SLC20A2: variants seen among roughly 807,000 people sequenced by gnomAD.
SLC20A2 encodes solute carrier family 20 member 2.
In SLC20A2, 30 loss-of-function variants were observed where a neutral mutation model predicts 61.0. The ratio of observed to expected loss-of-function variants is 0.49; its 90% confidence interval spans 0.37 to 0.67. SLC20A2 has a LOEUF of 0.67. Ranked by LOEUF, SLC20A2 falls within the 30% of genes least tolerant of loss-of-function variation. The pLI, the probability that SLC20A2 is intolerant of heterozygous loss-of-function variation, is 0.00. For missense variants in SLC20A2, 626 were observed against 866.4 expected (o/e 0.72, Z 3.48); for synonymous variants, 351 against 353.3 (o/e 0.99, Z 0.07).
chr8:42,454,587 C>T (rs192595940), intron 5 of SLC20A2, among the ~76,000 whole-genome samples: 121 of 150,898 alleles, frequency 8.0e-4, no homozygotes, highest in African/African-American at 2.8e-3. Context: ...GGTTGTGCTT[C>T]GAGGGAATAA....
chr8:42,532,922 A>G (rs1812431663), intron 1 of SLC20A2, among the ~76,000 whole-genome samples: 1 of 152,158 alleles, frequency 6.6e-6, no homozygotes, highest in African/African-American at 2.4e-5. Context: ...CAGAGGACGG[A>G]AAGACTAGGC....
intron 5 of SLC20A2, among the ~76,000 whole-genome samples, chr8:42,455,253 TATATAGAGAGAGAG>T (rs1382035444): frequency 9.2e-4 from 86 of 93,642 alleles, no homozygotes; most frequent in Non-Finnish European, 1.5e-3. Flanking sequence ...TATATATATA[TATATAGAGAGAGAG>T]AGAGAGAGAG....
chr8:42,472,640 C>T lies in SLC20A2; in HGVS notation c.-250G>A. ...TATTTTTCCTCCCGATCTGGGAAAG[C>T]TGTGATGTCTCCTCCTGTAGCAGAA... is the stretch of plus-strand genomic sequence containing the variant. On this transcript the variant is annotated 5_prime_UTR_variant, in exon 2 of 11. Transcript: ENST00000520262. This position sits in a 1 kb window ranked among gnomAD's most constrained non-coding sequence, Gnocchi z 4.1. 2.2e-6 allele frequency: 1 copy of T among 450,738 alleles called. No homozygotes were observed. Among genetic ancestry groups the T allele is most frequent in the South Asian group, 2.8e-5 (1 of 35,878 alleles). 27.9% of individuals were successfully genotyped at this position (450,738 alleles called of 1,614,324 possible). A position where few individuals can be genotyped will look rare whatever the true frequency, so the allele number is the denominator to read the frequency against.
chr8:42,491,123 G>A (rs1277841206), intron 1 of SLC20A2, among the ~76,000 whole-genome samples: 5 of 152,188 alleles, frequency 3.3e-5, no homozygotes, highest in South Asian at 2.1e-4. Flanking sequence ...CTTTCAGGCC[G>A]GTGTGGTGGC....
chr8:42,524,958 A>C (rs1410856801), intron 1 of SLC20A2, among the ~76,000 whole-genome samples: 1 of 152,208 alleles, frequency 6.6e-6, no homozygotes, highest in East Asian at 1.9e-4. Context: ...CCACTGCTAA[A>C]GCATGATGAT....
intron 8 of SLC20A2, among the ~76,000 whole-genome samples, chr8:42,435,705 G>A (rs578108818): frequency 3.3e-5 from 5 of 152,282 alleles, no homozygotes; most frequent in Middle Eastern, 3.4e-3. Context: ...GGATGCCTGC[G>A]ACATTACCAT....
rs775986808 is a variant in SLC20A2, at chr8:42,437,528, G to A, written c.984C>T (p.Asn328=). 4.3e-6 allele frequency: 7 copies of A among 1,613,812 alleles called. No individual in the cohort carries two copies. Among genetic ancestry groups the A allele is most frequent in the African/African-American group, 2.7e-5 (2 of 74,876 alleles). ...THGSVKSPIS[N]GTFGFDGHTR... Reference sequence around the variant, plus strand: ...TGTGGCCGTCGAAGCCGAAGGTGCCGTTGGAGATGGGCGATTTCACAGAGC... The same window carrying A: ...TGTGGCCGTCGAAGCCGAAGGTGCCATTGGAGATGGGCGATTTCACAGAGC... Residue 328 remains asparagine (N), a synonymous_variant, in exon 8 of 11, where the codon AAC becomes AAT. Coordinates refer to ENST00000520262, the MANE Select transcript of SLC20A2 (RefSeq NM_001257180.2). This position sits in a 1 kb window ranked among gnomAD's most constrained non-coding sequence, Gnocchi z 6.4.
At chr8:42,498,482 AG>A (rs898175044) in intron 1 of SLC20A2, among the ~76,000 whole-genome samples, 2 of 152,032 alleles carry the variant, frequency 1.3e-5, no homozygotes, top group African/African-American at 2.4e-5. Flanking sequence ...ACTGAATGTC[AG>A]GGGGCCCAGT....
chr8:42,479,133 A>C (rs1808377446), intron 1 of SLC20A2, among the ~76,000 whole-genome samples: 1 of 152,230 alleles, frequency 6.6e-6, no homozygotes, highest in South Asian at 2.1e-4. Context: ...CAAGGAAAAG[A>C]AAAGCTGGCT....
upstream of SLC20A2, among the ~76,000 whole-genome samples, chr8:42,504,214 C>A (rs368127023): frequency 5.9e-5 from 9 of 152,186 alleles, no homozygotes; most frequent in Non-Finnish European, 1.3e-4. Context: ...GCACTGGGAT[C>A]ACAGGCATGA....
intron 5 of SLC20A2, among the ~76,000 whole-genome samples, chr8:42,459,594 T>G (rs1806540126): frequency 6.6e-6 from 1 of 152,246 alleles, no homozygotes. Flanking sequence ...GCAACACAGC[T>G]GCGTAAATGG....
intron 5 of SLC20A2, among the ~76,000 whole-genome samples, chr8:42,450,276 G>A (rs1428249584): frequency 6.6e-6 from 1 of 150,490 alleles, no homozygotes; most frequent in Non-Finnish European, 1.5e-5. Flanking sequence ...TGCCCAGGCT[G>A]GAGTAAAGTG....
In SLC20A2 at chr8:42,437,188, C is replaced by T; in HGVS notation, c.1324G>A (p.Glu442Lys). The change falls in exon 8 of 11, where the codon GAG (glutamate) becomes AAG (lysine). Residue 442 changes from glutamate (E) to lysine (K), a missense_variant. This residue lies in a region of SLC20A2 where 361 missense variants were observed against 422.3 expected (regional missense o/e 0.85). Coordinates refer to ENST00000520262, the MANE Select transcript of SLC20A2 (RefSeq NM_001257180.2). The surrounding 1 kb of genome is among the most constrained non-coding windows in gnomAD (Gnocchi z 6.4). ...SYSSYCNAVA[E>K]AEIEAEEGGV... ...CCCTCCTCCGCCTCGATCTCCGCCT[C>T]TGCCACCGCGTTACAGTAGCTCGAG... is the stretch of plus-strand genomic sequence containing the variant. 1 of 1,613,734 alleles carries T rather than the reference C, an allele frequency of 6.2e-7. No homozygotes were observed. The highest frequency in any genetic ancestry group is 8.5e-7 in the Non-Finnish European group (1 of 1,180,042).
intron 1 of SLC20A2, among the ~76,000 whole-genome samples, chr8:42,475,670 CA>C (rs1046557463): frequency 6.6e-6 from 1 of 152,000 alleles, no homozygotes; most frequent in African/African-American, 2.4e-5. Context: ...CTTGGCCTCC[CA>C]AAGTGCTGGG....
At chr8:42,435,740 G>A (rs1030297998) in intron 8 of SLC20A2, among the ~76,000 whole-genome samples, 2 of 152,170 alleles carry the variant, frequency 1.3e-5, no homozygotes, top group Non-Finnish European at 2.9e-5. Context: ...AGGCTCGGGC[G>A]GCAGCTCCAG....
chr8:42,532,031 G>A (rs1280084245), intron 1 of SLC20A2, among the ~76,000 whole-genome samples: 1 of 149,076 alleles, frequency 6.7e-6, no homozygotes, highest in Non-Finnish European at 1.5e-5. Flanking sequence ...GTTTCACCAT[G>A]TTGGCCAGGA....
chr8:42,507,886 G>A (rs568251255), intron 1 of SLC20A2, among the ~76,000 whole-genome samples: 4 of 152,342 alleles, frequency 2.6e-5, no homozygotes, highest in African/African-American at 7.2e-5. Flanking sequence ...CTGGCCCGGC[G>A]CGGTGGCTCA....
At chr8:42,540,412 C>A (rs1813024951) in intron 1 of SLC20A2, among the ~76,000 whole-genome samples, 1 of 152,184 alleles carries the variant, frequency 6.6e-6, no homozygotes. Context: ...TTGGCACAGG[C>A]CCGGCAAACA....
intron 1 of SLC20A2, among the ~76,000 whole-genome samples, chr8:42,526,799 A>G (rs1811987785): frequency 6.6e-6 from 1 of 152,048 alleles, no homozygotes; most frequent in East Asian, 1.9e-4. Context: ...ACATGAATGT[A>G]AAATGTTAAT....
Sources: gnomAD v4.1 joint callset for allele counts (sites outside exome capture counted in the v4.1 genomes callset) on GRCh38, gnomAD v4.1.1 for gene constraint, gnomAD v4.1.1 regional missense constraint, Gnocchi (gnomAD v3.1) non-coding constraint, MANE v1.5 for transcripts, NCBI Gene and HGNC (gene_info 2026-07-23, HGNC 2026-07-21) for gene names.